Variants in GPHN observed in about 807,000 individuals in gnomAD.
GPHN encodes gephyrin.
Under a neutral mutation model 95.5 loss-of-function variants are expected in GPHN, and 17 were observed. That is an observed-to-expected ratio of 0.18 (90% confidence interval 0.12 to 0.27). The LOEUF (loss-of-function observed/expected upper bound fraction) is 0.27, where lower values mean the gene tolerates loss of function less well. GPHN is among the 10% of genes least tolerant of loss of function. The pLI, the probability that GPHN is intolerant of heterozygous loss-of-function variation, is 1.00. For synonymous variants in GPHN, 320 were observed against 322.5 expected, an observed-to-expected ratio of 0.99 and a Z score of 0.08; for missense variants, 660 against 978.1, an observed-to-expected ratio of 0.67 and a Z score of 4.34.
At chr14:67,593,502 A>C in the GPHN span, 6 of 483,008 alleles carry the variant, frequency 1.2e-5, no homozygotes, top group Non-Finnish European at 2.2e-5. Context: ...AAAAAAAAAA[A>C]AGAAAAAAGA....
At chr14:67,239,256 C>T in the GPHN span, among the ~76,000 whole-genome samples, 1 of 152,082 alleles carries the variant, frequency 6.6e-6, no homozygotes. Context: ...CCAAAGAGGT[C>T]CTTTCTTTGA....
At chr14:66,602,414 T>C (rs1228731838) in intron 1 of GPHN, among the ~76,000 whole-genome samples, 2 of 152,032 alleles carry the variant, frequency 1.3e-5, no homozygotes, top group African/African-American at 4.8e-5. Context: ...TTTCCCAGCA[T>C]AACTTTCTCA....
At chr14:66,696,723 AT>A (rs372416588) in intron 2 of GPHN, among the ~76,000 whole-genome samples, 134 of 152,236 alleles carry the variant, frequency 8.8e-4, no homozygotes, top group African/African-American at 3.2e-3. Context: ...AAGTACCCCA[AT>A]TTGTGGTCCC....
intron 7 of GPHN, among the ~76,000 whole-genome samples, chr14:66,923,254 A>G (rs1296633806): frequency 2.6e-5 from 4 of 152,190 alleles, no homozygotes; most frequent in Non-Finnish European, 5.9e-5. Context: ...TTAAATATAT[A>G]ATGTTTATAT....
the GPHN span, chr14:67,651,518 T>C: frequency 6.2e-7 from 1 of 1,608,422 alleles, no homozygotes; most frequent in Non-Finnish European, 8.5e-7. Flanking sequence ...AGTCAGAAGT[T>C]TGGATAACCT....
intron 9 of GPHN, among the ~76,000 whole-genome samples, chr14:66,991,846 T>C (rs2071442290): frequency 7.3e-6 from 1 of 137,020 alleles, no homozygotes; most frequent in African/African-American, 2.9e-5. Flanking sequence ...CACTCCAGCC[T>C]GGGCAACAGA....
At chr14:66,977,718 C>A (rs1458023693) in intron 9 of GPHN, among the ~76,000 whole-genome samples, 1 of 152,084 alleles carries the variant, frequency 6.6e-6, no homozygotes, top group Non-Finnish European at 1.5e-5. Flanking sequence ...GTAAACAATA[C>A]TGTGTAGGAA....
At chr14:67,729,923 C>T in the GPHN span, 2 of 418,464 alleles carry the variant, frequency 4.8e-6, no homozygotes, top group Non-Finnish European at 9.5e-6. Flanking sequence ...AAATCTCTTT[C>T]CCATTCCATG....
chr14:66,719,271 A>G (rs142465159), intron 2 of GPHN, among the ~76,000 whole-genome samples: 289 of 152,318 alleles, frequency 1.9e-3, no homozygotes, highest in African/African-American at 6.8e-3. Context: ...CCAGACAGGA[A>G]TGGCTTGCTT....
At chr14:67,542,676 C>CTATTT in the GPHN span, among the ~76,000 whole-genome samples, 3,316 of 151,862 alleles carry the variant, frequency 0.022, 71 homozygotes, top group East Asian at 0.062. Flanking sequence ...AGATAACATT[C>CTATTT]TATTTTATTT....
chr14:67,361,695 G>C, the GPHN span, among the ~76,000 whole-genome samples: 1 of 152,204 alleles, frequency 6.6e-6, no homozygotes, highest in Non-Finnish European at 1.5e-5. Flanking sequence ...AATTAGCCTG[G>C]AGTTTGGTTG....
At chr14:66,893,312 G>A (rs899710325) in intron 5 of GPHN, among the ~76,000 whole-genome samples, 18 of 152,090 alleles carry the variant, frequency 1.2e-4, no homozygotes, top group African/African-American at 2.7e-4. Flanking sequence ...GGGGCTCATC[G>A]GACAGTGGGG....
In GPHN at chr14:67,026,890, C is replaced by T. The variant is rs548825641; in HGVS notation, c.1006+3215C>T. On this transcript the variant is annotated intron_variant, in intron 10 of 22. Transcript: ENST00000478722. ...ATCTCCTGACCTCGTGATCCGCCCA[C>T]CTCGGCCTCCCAGAGTGCTGGGATT... 7.9e-5 allele frequency among the ~76,000 whole-genome samples: 12 copies of T among 152,310 alleles called. No individual in the cohort carries two copies. The South Asian group carries it at 2.5e-3, about 32-fold the overall frequency.
chr14:67,593,358 G>A, the GPHN span: 1 of 235,792 alleles, frequency 4.2e-6, no homozygotes, highest in Non-Finnish European at 8.4e-6. Context: ...AAGCATGGTG[G>A]TGCATGCCTG....
the GPHN span, among the ~76,000 whole-genome samples, chr14:67,436,303 G>T: frequency 6.6e-6 from 1 of 152,206 alleles, no homozygotes; most frequent in African/African-American, 2.4e-5. Context: ...TGGAGTAGCT[G>T]GGGGATATTG....
intron 2 of GPHN, among the ~76,000 whole-genome samples, chr14:66,758,297 C>A (rs193266722): frequency 2.6e-5 from 4 of 152,124 alleles, no homozygotes; most frequent in African/African-American, 9.7e-5. Context: ...GGACCCACCC[C>A]CTATCTGCCT....
At chr14:67,674,617 G>A in the GPHN span, 2 of 681,588 alleles carry the variant, frequency 2.9e-6, no homozygotes, top group African/African-American at 1.9e-5. Context: ...CCAGGACGAG[G>A]CTCTTCCGGA....
the GPHN span, chr14:67,205,013 CT>C: frequency 3.2e-6 from 5 of 1,556,488 alleles, no homozygotes; most frequent in South Asian, 5.9e-5. Context: ...ACAGACAGCT[CT>C]GATATTACAA....
chr14:66,629,144 TATACATATATAA>T (rs2063652348), intron 1 of GPHN, among the ~76,000 whole-genome samples: 1 of 121,948 alleles, frequency 8.2e-6, no homozygotes, highest in Non-Finnish European at 1.7e-5. Context: ...TATATATTTA[TATACATATATAA>T]ATATGTATAT....
Sources: allele counts gnomAD v4.1 joint callset (sites outside exome capture counted in the v4.1 genomes callset), GRCh38; gene constraint gnomAD v4.1.1; transcripts MANE v1.5; gene names NCBI Gene and HGNC (gene_info 2026-07-23, HGNC 2026-07-21).